The following SETBP1 variants were observed in gnomAD, a reference collection of about 807,000 sequenced individuals.
The protein encoded by SETBP1 is SET binding protein 1.
Under a neutral mutation model 101.0 loss-of-function variants are expected in SETBP1, and 9 were observed. That is an observed-to-expected ratio of 0.09 (90% CI 0.05 to 0.16). The LOEUF (loss-of-function observed/expected upper bound fraction) is 0.16. Among genes scored for constraint, SETBP1 ranks in the 10% least tolerant of loss-of-function variants. The probability of loss-of-function intolerance (pLI) is 1.00; values close to 1 mark genes in which losing one functional copy is unlikely to be tolerated. For synonymous variants in SETBP1, 818 were observed against 788.5 expected, an observed-to-expected ratio of 1.04 and a Z score of -0.63; for missense variants, 1,858 against 2,033.8, an observed-to-expected ratio of 0.91 and a Z score of 1.66.
intron 4 of SETBP1, among the ~76,000 whole-genome samples, chr18:44,977,172 A>G (rs2072008143): frequency 6.6e-6 from 1 of 152,176 alleles, no homozygotes; most frequent in Non-Finnish European, 1.5e-5. Flanking sequence ...TGTACTCACC[A>G]GATGTGTTCT....
chr18:45,059,633 C>A (rs2073860983), intron 5 of SETBP1, among the ~76,000 whole-genome samples: 1 of 151,964 alleles, frequency 6.6e-6, no homozygotes, highest in Non-Finnish European at 1.5e-5. Flanking sequence ...ATCTGTGCTG[C>A]CCCATAGGGT....
chr18:45,050,600 G>A (rs1870782443), intron 5 of SETBP1, among the ~76,000 whole-genome samples: 1 of 152,216 alleles, frequency 6.6e-6, no homozygotes, highest in Admixed American at 6.5e-5. Context: ...CAGGAAATGT[G>A]AGTTAGTGCT....
intron 3 of SETBP1, among the ~76,000 whole-genome samples, chr18:44,927,058 G>A (rs1252169681): frequency 6.6e-6 from 1 of 152,094 alleles, no homozygotes; most frequent in Non-Finnish European, 1.5e-5. Flanking sequence ...CTCAAGTTCT[G>A]GCCCTGATTA....
Position 44,985,732 on chromosome 18 carries a change from C to T in SETBP1, c.4000+32392C>T, listed in dbSNP as rs2072217169. The stretch of plus-strand genomic sequence containing the variant: ...TATCTGCAGGATTACTTGTAATCTG[C>T]TTTTAGGGCTATGAATTCTCCATTG... On this transcript the variant is annotated intron_variant, in intron 4 of 5. Transcript: ENST00000649279. 3.3e-5 allele frequency among the ~76,000 whole-genome samples: 5 copies of T among 152,144 alleles called. 1 individual carries two copies. The South Asian group carries it at 6.2e-4, about 19-fold the overall frequency.
chr18:44,814,166 A>T (rs548158074), intron 2 of SETBP1, among the ~76,000 whole-genome samples: 3 of 152,368 alleles, frequency 2.0e-5, no homozygotes, highest in South Asian at 4.1e-4. Flanking sequence ...GAAGGTTGGT[A>T]CAGAGAACCA....
At chr18:44,960,876 C>G (rs984656940) in intron 4 of SETBP1, among the ~76,000 whole-genome samples, 1 of 152,206 alleles carries the variant, frequency 6.6e-6, no homozygotes, top group African/African-American at 2.4e-5. Flanking sequence ...ATTAGTTACA[C>G]AAATGCTCAA....
intron 3 of SETBP1, among the ~76,000 whole-genome samples, chr18:44,917,019 C>T (rs1186786133): frequency 2.0e-5 from 3 of 152,240 alleles, no homozygotes; most frequent in Admixed American, 1.3e-4. Context: ...TCATTGACTT[C>T]ACCATGCCCT....
chr18:44,999,853 C>A (rs977023918), intron 4 of SETBP1, among the ~76,000 whole-genome samples: 1 of 152,160 alleles, frequency 6.6e-6, no homozygotes, highest in Non-Finnish European at 1.5e-5. Context: ...AATAGTTATG[C>A]CCTGCCACCA....
At chr18:44,930,793 C>T (rs1174435964) in intron 3 of SETBP1, among the ~76,000 whole-genome samples, 1 of 151,678 alleles carries the variant, frequency 6.6e-6, no homozygotes, top group Non-Finnish European at 1.5e-5. Context: ...TCCCCTTTAT[C>T]ATTTTTTATT....
intron 2 of SETBP1, among the ~76,000 whole-genome samples, chr18:44,749,784 C>G (rs544981390): frequency 2.6e-5 from 4 of 152,098 alleles, no homozygotes; most frequent in African/African-American, 9.7e-5. Context: ...GGTAGTAATA[C>G]AAAAGGTAAA....
chr18:45,007,430 G>C (rs1226831003), intron 4 of SETBP1, among the ~76,000 whole-genome samples: 4 of 151,966 alleles, frequency 2.6e-5, no homozygotes, highest in Admixed American at 2.0e-4. Context: ...GCCTCACTTT[G>C]ATTATTATTC....
At chr18:44,838,540 A>G (rs908271370) in intron 2 of SETBP1, among the ~76,000 whole-genome samples, 1 of 152,208 alleles carries the variant, frequency 6.6e-6, no homozygotes, top group Non-Finnish European at 1.5e-5. Flanking sequence ...GGCCAAAGCT[A>G]GGTAGCCCTT....
intron 2 of SETBP1, among the ~76,000 whole-genome samples, chr18:44,740,674 A>G (rs1333270860): frequency 6.6e-6 from 1 of 152,188 alleles, no homozygotes; most frequent in Non-Finnish European, 1.5e-5. Flanking sequence ...TTGAATCACA[A>G]ATACTGTGCA....
rs1475420743 is a variant in SETBP1 at position 44,747,619 on chromosome 18, C to T, written c.486+45787C>T. ...GTACGCTGATGCCTCTGTCTGTTTCCTACATTTCCCATGAGAAATATGAAA... is the reference window on the plus strand; with the variant it reads ...GTACGCTGATGCCTCTGTCTGTTTCTTACATTTCCCATGAGAAATATGAAA... On this transcript the variant is annotated intron_variant, in intron 2 of 5. Coordinates refer to ENST00000649279, the MANE Select transcript of SETBP1 (RefSeq NM_015559.3). 2.6e-5 allele frequency among the ~76,000 whole-genome samples: 4 copies of T among 152,224 alleles called. No homozygotes were observed. The East Asian group carries it at 7.7e-4, about 29-fold the overall frequency.
chr18:44,876,249 C>T (rs955359214), intron 3 of SETBP1, among the ~76,000 whole-genome samples: 1 of 152,124 alleles, frequency 6.6e-6, no homozygotes, highest in Non-Finnish European at 1.5e-5. Context: ...TTTGATTTCA[C>T]CACATAATAT....
intron 2 of SETBP1, among the ~76,000 whole-genome samples, chr18:44,826,580 G>A (rs548175956): frequency 8.8e-4 from 134 of 152,260 alleles, no homozygotes; most frequent in South Asian, 8.3e-4. Context: ...GGAGAGAGAC[G>A]GGAGAGCTAG....
At chr18:45,055,979 C>T (rs1022939914) in intron 5 of SETBP1, among the ~76,000 whole-genome samples, 1 of 152,180 alleles carries the variant, frequency 6.6e-6, no homozygotes, top group Non-Finnish European at 1.5e-5. Flanking sequence ...AAAGCAGTTA[C>T]TTTCTGGCCC....
At chr18:44,780,527 C>T (rs908238575) in intron 2 of SETBP1, among the ~76,000 whole-genome samples, 1 of 152,190 alleles carries the variant, frequency 6.6e-6, no homozygotes, top group Non-Finnish European at 1.5e-5. Flanking sequence ...ATCAAGTTCA[C>T]GCTGGAACTT....
intron 4 of SETBP1, among the ~76,000 whole-genome samples, chr18:44,960,216 G>C (rs1301060548): frequency 1.3e-5 from 2 of 152,020 alleles, no homozygotes; most frequent in Admixed American, 1.3e-4. Flanking sequence ...GTTTTATTGG[G>C]GTTTGGATCT....
Sources: allele counts gnomAD v4.1 joint callset (sites outside exome capture counted in the v4.1 genomes callset), GRCh38; gene constraint gnomAD v4.1.1; transcripts MANE v1.5; gene names NCBI Gene and HGNC (gene_info 2026-07-23, HGNC 2026-07-21).